ELMOD2: variants seen among roughly 807,000 people sequenced by gnomAD.
ELMOD2 encodes the protein ELMO domain containing 2.
ELMOD2 carries 28 observed loss-of-function variants against 41.0 expected under a neutral mutation model. The observed-to-expected ratio is 0.68, with a 90% CI of 0.51 to 0.94. The LOEUF is 0.94. ELMOD2 is among the 40% of genes least tolerant of loss of function. ELMOD2 has a pLI of 0.00. For synonymous variants in ELMOD2, 106 were observed against 107.2 expected (o/e 0.99, Z 0.07); for missense variants, 333 against 343.1 (o/e 0.97, Z 0.23).
At chr4:140,546,710 G>A (rs1560834606) in intron 8 of ELMOD2, among the ~76,000 whole-genome samples, 1 of 151,934 alleles carries the variant, frequency 6.6e-6, no homozygotes, top group Non-Finnish European at 1.5e-5. Flanking sequence ...AGTGCAGAAT[G>A]ACCTTTGTGC....
chr4:140,524,584 C>G, intron 1 of ELMOD2: 1 of 985,370 alleles, frequency 1.0e-6, no homozygotes, highest in Non-Finnish European at 1.2e-6. Context: ...ATCAACCCAG[C>G]TGTGCTATGC....
intron 6 of ELMOD2, 96 bp downstream of exon 6, chr4:140,540,397 A>G: frequency 6.9e-7 from 1 of 1,455,012 alleles, no homozygotes; most frequent in Non-Finnish European, 9.3e-7. Context: ...GTTGATTCAT[A>G]CTATCTCTGA....
intron 4 of ELMOD2, among the ~76,000 whole-genome samples, chr4:140,537,161 A>G (rs1734955317): frequency 6.6e-6 from 1 of 152,156 alleles, no homozygotes; most frequent in Non-Finnish European, 1.5e-5. Flanking sequence ...AGAAAACATG[A>G]AGAGAAAATC....
intron 3 of ELMOD2, among the ~76,000 whole-genome samples, chr4:140,534,280 G>A (rs1225729304): frequency 3.9e-5 from 6 of 152,094 alleles, no homozygotes; most frequent in Admixed American, 3.3e-4. Flanking sequence ...TCCTAGAAAC[G>A]TTATGTTGAA....
chr4:140,526,177 A>G (rs1734556519), intron 2 of ELMOD2, among the ~76,000 whole-genome samples: 1 of 152,216 alleles, frequency 6.6e-6, no homozygotes, highest in African/African-American at 2.4e-5. Flanking sequence ...GTAATTGTTT[A>G]TATTCTTTGT....
intron 8 of ELMOD2, among the ~76,000 whole-genome samples, chr4:140,549,060 C>G (rs1735383131): frequency 6.6e-6 from 1 of 151,994 alleles, no homozygotes. Context: ...TGCTCCTCCC[C>G]CCACCATCCT....
At position 140,553,660 on chromosome 4, in the gene ELMOD2, A is replaced by G. The variant is rs1212268542; in HGVS notation, c.*3285A>G. The G allele has an allele frequency of 1.3e-5, 2 of 152,122 alleles. No homozygotes were observed. Among genetic ancestry groups the G allele is most frequent in the Admixed American group, 6.5e-5 (1 of 15,268 alleles). The allele number at this position is 152,122 out of a possible 1,614,324, so 9.4% of individuals were successfully genotyped here. On this transcript the variant is annotated 3_prime_UTR_variant, in exon 9 of 9. Transcript: ENST00000323570. ...CACTTGGACACTTAAAGGAATTGGG[A>G]TTTTTGTCTACTTTGGATAAGGCAG...
chr4:140,537,440 C>T lies in ELMOD2; in HGVS notation c.298C>T (p.Leu100=). 6.4e-7 allele frequency: 1 copy of T among 1,552,662 alleles called. No homozygotes were observed. Among genetic ancestry groups the T allele is most frequent in the Non-Finnish European group, 8.6e-7 (1 of 1,156,290 alleles). ...SFKICMKMCL[L]QITGYKQLYL... The stretch of plus-strand genomic sequence containing the variant: ...TAAAATATGCATGAAGATGTGCTTA[C>T]TGCAGATAACTGGTTATAAACAGCT... The change falls in exon 5 of 9, where the codon CTG becomes TTG. Residue 100 remains leucine (L), a synonymous_variant. Transcript: ENST00000323570.
intron 2 of ELMOD2, among the ~76,000 whole-genome samples, chr4:140,525,998 C>T (rs1004210916): frequency 6.6e-6 from 1 of 152,112 alleles, no homozygotes; most frequent in African/African-American, 2.4e-5. Flanking sequence ...ATTATGTATC[C>T]AGTGGTCTCT....
intron 2 of ELMOD2, among the ~76,000 whole-genome samples, chr4:140,526,146 A>G (rs138545187): frequency 4.3e-4 from 65 of 152,360 alleles, no homozygotes; most frequent in African/African-American, 1.5e-3. Flanking sequence ...AAAGACTTAT[A>G]AGAAAATGTA....
chr4:140,529,894 C>G (rs1235809092), intron 3 of ELMOD2, among the ~76,000 whole-genome samples: 1 of 152,072 alleles, frequency 6.6e-6, no homozygotes, highest in Non-Finnish European at 1.5e-5. Context: ...AAATATTTTA[C>G]TTACTTATTT....
rs1284933974 is a variant in ELMOD2, at chr4:140,553,331, G to A, written c.*2956G>A. On this transcript the variant is annotated 3_prime_UTR_variant, in exon 9 of 9. Transcript: ENST00000323570. ...CTTTTTGAAATAACAGGGACCAGCA[G>A]CAGTTTTCTCAGGATAAATGCTCTA... The A allele has an allele frequency of 6.6e-6, 1 of 152,098 alleles. No homozygotes were observed. Among genetic ancestry groups the A allele is most frequent in the African/African-American group, 2.4e-5 (1 of 41,430 alleles). The allele number at this position is 152,098 out of a possible 1,614,324, so 9.4% of individuals were successfully genotyped here.
At chr4:140,525,342 A>G (rs900028383) in intron 1 of ELMOD2, 78 bp from the exon 2 acceptor site, 22 of 1,370,998 alleles carry the variant, frequency 1.6e-5, no homozygotes, top group South Asian at 5.7e-5. Flanking sequence ...TTGAGATTTG[A>G]TCAGTTGTAT....
At chr4:140,525,671 C>T (rs1734541159) in intron 2 of ELMOD2, 101 bp downstream of exon 2, 2 of 1,290,542 alleles carry the variant, frequency 1.5e-6, no homozygotes, top group South Asian at 3.6e-5. Flanking sequence ...CCTGACAAGT[C>T]ACTTAAACTG....
intron 8 of ELMOD2, among the ~76,000 whole-genome samples, chr4:140,549,348 T>A (rs924946434): frequency 1.6e-4 from 11 of 70,142 alleles, no homozygotes; most frequent in African/African-American, 4.5e-4. Flanking sequence ...CACATTTAAG[T>A]TTACATATAT....
intron 3 of ELMOD2, among the ~76,000 whole-genome samples, chr4:140,534,927 G>A (rs953337456): frequency 6.6e-6 from 1 of 152,100 alleles, no homozygotes; most frequent in Non-Finnish European, 1.5e-5. Context: ...CATGCAAAAG[G>A]TATGGCTTTT....
intron 8 of ELMOD2, among the ~76,000 whole-genome samples, chr4:140,548,781 A>T (rs1282053794): frequency 6.6e-6 from 1 of 152,280 alleles, no homozygotes. Flanking sequence ...GAAATATTTT[A>T]AAAAATAATT....
rs558732727 is a variant in ELMOD2, at chr4:140,533,477, T to A, written c.172-2256T>A. Among the ~76,000 whole-genome samples, 6 of 152,264 alleles carry A rather than the reference T, an allele frequency of 3.9e-5. No individual in the cohort carries two copies. In the East Asian group the frequency reaches 9.7e-4, roughly 24 times the overall value. On this transcript the variant is annotated intron_variant, in intron 3 of 8. Coordinates refer to ENST00000323570, the MANE Select transcript of ELMOD2 (RefSeq NM_153702.4). ...TATGGGGGAAAAAAGAAACCTCAAC[T>A]TCAATCTCTTACCATACATGAAAAC...
intron 1 of ELMOD2, chr4:140,524,546 A>T (rs1734489285): frequency 1.0e-6 from 1 of 966,498 alleles, no homozygotes; most frequent in Non-Finnish European, 1.2e-6. Flanking sequence ...ATGAGCGCGG[A>T]CTAGATGGCT....
Sources: gnomAD v4.1 joint callset for allele counts (sites outside exome capture counted in the v4.1 genomes callset) on GRCh38, gnomAD v4.1.1 for gene constraint, MANE v1.5 for transcripts, NCBI Gene and HGNC (gene_info 2026-07-23, HGNC 2026-07-21) for gene names.